ETV6: variants seen among roughly 807,000 people sequenced by gnomAD.
ETV6 encodes transcription factor ETV6.
In ETV6, 16 loss-of-function variants were observed where a neutral mutation model predicts 51.1. The ratio of observed to expected loss-of-function variants is 0.31; its 90% CI spans 0.21 to 0.48. ETV6 has a LOEUF of 0.48. Ranked by LOEUF, ETV6 falls within the 20% of genes least tolerant of loss-of-function variation. ETV6 has a pLI of 0.99. For synonymous variants in ETV6, 240 were observed against 224.1 expected (o/e 1.07, Z -0.64); for missense variants, 458 against 594.8 (o/e 0.77, Z 2.39).
intron 1 of ETV6, among the ~76,000 whole-genome samples, chr12:11,746,009 A>T (rs1028978470): frequency 1.3e-5 from 2 of 152,162 alleles, no homozygotes; most frequent in African/African-American, 4.8e-5. Context: ...CATACATCAG[A>T]TAGAGTCCCC....
At chr12:11,816,650 A>G (rs2136428341) in intron 2 of ETV6, among the ~76,000 whole-genome samples, 1 of 152,246 alleles carries the variant, frequency 6.6e-6, no homozygotes, top group East Asian at 1.9e-4. Context: ...TACAGAGACT[A>G]AGGAACTTGG....
chr12:11,740,597 G>A (rs1865790312), intron 1 of ETV6, among the ~76,000 whole-genome samples: 1 of 152,042 alleles, frequency 6.6e-6, no homozygotes, highest in South Asian at 2.1e-4. Context: ...ATTGCATTTT[G>A]TCTAAAGGAA....
intron 2 of ETV6, among the ~76,000 whole-genome samples, chr12:11,800,711 G>C (rs1652688062): frequency 6.6e-6 from 1 of 152,122 alleles, no homozygotes; most frequent in South Asian, 2.1e-4. Flanking sequence ...ACTTCAAAAT[G>C]TAAAATATTC....
intron 1 of ETV6, among the ~76,000 whole-genome samples, chr12:11,673,337 A>T (rs924194496): frequency 6.6e-6 from 1 of 152,196 alleles, no homozygotes; most frequent in African/African-American, 2.4e-5. Flanking sequence ...CTGGATGACT[A>T]TTGAGGGAGG....
At chr12:11,865,125 C>T (rs1368809935) in intron 4 of ETV6, among the ~76,000 whole-genome samples, 2 of 151,970 alleles carry the variant, frequency 1.3e-5, no homozygotes, top group Non-Finnish European at 2.9e-5. Flanking sequence ...GTGGCGGGCA[C>T]CTGTAGTCCC....
chr12:11,766,766 G>T (rs144800441), intron 2 of ETV6, among the ~76,000 whole-genome samples: 1 of 152,168 alleles, frequency 6.6e-6, no homozygotes, highest in Non-Finnish European at 1.5e-5. Flanking sequence ...GCAATGGGGT[G>T]GGGGCGGGCA....
chr12:11,764,636 C>A (rs528299218), intron 2 of ETV6, among the ~76,000 whole-genome samples: 25 of 152,264 alleles, frequency 1.6e-4, no homozygotes, highest in African/African-American at 6.0e-4. Context: ...GCATGGTAAT[C>A]CAAGTCTTGA....
chr12:11,675,012 C>T (rs1353781851), intron 1 of ETV6, among the ~76,000 whole-genome samples: 1 of 152,212 alleles, frequency 6.6e-6, no homozygotes, highest in African/African-American at 2.4e-5. Flanking sequence ...TACAGCCAGG[C>T]CCTCCGTCAG....
chr12:11,859,710 A>G (rs1297777982), intron 4 of ETV6, among the ~76,000 whole-genome samples: 1 of 152,200 alleles, frequency 6.6e-6, no homozygotes, highest in African/African-American at 2.4e-5. Flanking sequence ...GCGCAGAATG[A>G]GGAGACCAAA....
chr12:11,768,892 T>C (rs1329229557), intron 2 of ETV6: 2 of 471,706 alleles, frequency 4.2e-6, no homozygotes, highest in Non-Finnish European at 8.5e-6. Flanking sequence ...CTCTTTCTCC[T>C]TGTGAAATTC....
chr12:11,894,156 C>T lies in ETV6; in HGVS notation c.*3110C>T. 4.3e-6 allele frequency: 1 copy of T among 231,474 alleles called. No individual in the cohort carries two copies. Among genetic ancestry groups the T allele is most frequent in the Non-Finnish European group, 8.5e-6 (1 of 116,980 alleles). 14.3% of individuals were successfully genotyped at this position (231,474 alleles called of 1,614,324 possible). On this transcript the variant is annotated 3_prime_UTR_variant, in exon 8 of 8. Coordinates refer to ENST00000396373, the MANE Select transcript of ETV6 (RefSeq NM_001987.5). The stretch of plus-strand genomic sequence containing the variant: ...AAAGCTCAATCAGCCATAATCCCTG[C>T]TTTCAGAGTTTATATTGTACCTGCC...
chr12:11,840,925 G>A (rs1244424772), intron 3 of ETV6: 2 of 167,892 alleles, frequency 1.2e-5, no homozygotes, highest in Admixed American at 5.6e-5. Context: ...TGGAAACTCA[G>A]AGATATTATA....
chr12:11,755,993 T>G (rs955608925), intron 2 of ETV6, among the ~76,000 whole-genome samples: 5 of 152,170 alleles, frequency 3.3e-5, no homozygotes, highest in African/African-American at 1.2e-4. Flanking sequence ...TCATATTATT[T>G]AAGGTTCTCA....
chr12:11,813,118 G>A (rs1286378645), intron 2 of ETV6, among the ~76,000 whole-genome samples: 1 of 152,252 alleles, frequency 6.6e-6, no homozygotes, highest in African/African-American at 2.4e-5. Flanking sequence ...AACAGCTTCA[G>A]CAAACCTGCC....
At chr12:11,684,611 AC>A (rs1173620216) in intron 1 of ETV6, among the ~76,000 whole-genome samples, 1 of 152,156 alleles carries the variant, frequency 6.6e-6, no homozygotes, top group Non-Finnish European at 1.5e-5. Flanking sequence ...CATCCTTCTC[AC>A]CCTTCCCCTT....
At chr12:11,829,214 G>A (rs906898608) in intron 2 of ETV6, among the ~76,000 whole-genome samples, 2 of 152,112 alleles carry the variant, frequency 1.3e-5, no homozygotes, top group Non-Finnish European at 2.9e-5. Flanking sequence ...TTGGTCTTCT[G>A]GAGACACGGG....
chr12:11,683,038 C>T (rs1007835053), intron 1 of ETV6, among the ~76,000 whole-genome samples: 3 of 152,188 alleles, frequency 2.0e-5, no homozygotes, highest in Non-Finnish European at 4.4e-5. Context: ...TGAGTAGATT[C>T]AATAATTCAA....
intron 1 of ETV6, among the ~76,000 whole-genome samples, chr12:11,726,980 A>C (rs1330470308): frequency 6.6e-6 from 1 of 152,184 alleles, no homozygotes; most frequent in African/African-American, 2.4e-5. Context: ...GGACCAAGTT[A>C]CTTGTGCAAA....
chr12:11,687,501 T>A (rs1033897969), intron 1 of ETV6, among the ~76,000 whole-genome samples: 2 of 152,080 alleles, frequency 1.3e-5, no homozygotes, highest in African/African-American at 4.8e-5. Context: ...TTTTTCTTAA[T>A]AAGAAAATGA....
Sources: allele counts gnomAD v4.1 joint callset (sites outside exome capture counted in the v4.1 genomes callset), GRCh38; gene constraint gnomAD v4.1.1; transcripts MANE v1.5; gene names NCBI Gene and HGNC (gene_info 2026-07-23, HGNC 2026-07-21).